The following RHOJ variants were observed in gnomAD, a reference collection of about 807,000 sequenced individuals.
The protein encoded by RHOJ is rho-related GTP-binding protein RhoJ.
Under a neutral mutation model 23.4 loss-of-function variants are expected in RHOJ, and 11 were observed. The ratio of observed to expected loss-of-function variants is 0.47; its 90% CI spans 0.30 to 0.78. The LOEUF is 0.78. RHOJ is among the 30% of genes least tolerant of loss of function. RHOJ has a pLI of 0.08. For synonymous variants in RHOJ, 102 were observed against 102.7 expected (o/e 0.99, Z 0.04); for missense variants, 254 against 273.4 (o/e 0.93, Z 0.50).
At chr14:63,226,867 G>A (rs537059385) in intron 1 of RHOJ, among the ~76,000 whole-genome samples, 3 of 152,238 alleles carry the variant, frequency 2.0e-5, no homozygotes, top group South Asian at 4.1e-4. Flanking sequence ...GATGAAGGGA[G>A]CATGTTATAT....
Position 63,204,769 on chromosome 14 carries a change from G to A in RHOJ, c.-101G>A. 8.1e-7 allele frequency: 1 copy of A among 1,232,016 alleles called. No individual in the cohort carries two copies. 76.3% of individuals were successfully genotyped at this position (1,232,016 alleles called of 1,614,324 possible). ...TCCAAGGTACCCAAAGTCAGACAGAGTAAACTCAAGCCTGGCACTGGCTTT... is the reference window on the plus strand; with the variant it reads ...TCCAAGGTACCCAAAGTCAGACAGAATAAACTCAAGCCTGGCACTGGCTTT... On this transcript the variant is annotated 5_prime_UTR_variant, in exon 1 of 5. Coordinates refer to ENST00000316754, the MANE Select transcript of RHOJ (RefSeq NM_020663.5).
At chr14:63,262,033 C>T (rs1895281377) in intron 1 of RHOJ, among the ~76,000 whole-genome samples, 1 of 152,160 alleles carries the variant, frequency 6.6e-6, no homozygotes, top group Non-Finnish European at 1.5e-5. Context: ...ATGCAGATAG[C>T]TGGTTATGTG....
At chr14:63,290,126 C>T (rs1882200874) in intron 4 of RHOJ, among the ~76,000 whole-genome samples, 1 of 152,034 alleles carries the variant, frequency 6.6e-6, no homozygotes, top group South Asian at 2.1e-4. Flanking sequence ...GCCTGTAATC[C>T]CAGCTACTTG....
rs1317836993 is a variant in RHOJ, at chr14:63,217,444, AT to A, written c.178+12399del. Among the ~76,000 whole-genome samples the A allele has an allele frequency of 1.3e-4, 20 of 152,138 alleles. 1 individual carries two copies. The highest frequency in any genetic ancestry group is 1.5e-5 in the Non-Finnish European group (1 of 68,024). ...GAGAAAAACAAGCAATGGGGAAAGG[AT>A]TCCCTATTTAATAAATGGTGCTGGG... On this transcript the variant is annotated intron_variant, in intron 1 of 4. Coordinates refer to ENST00000316754, the MANE Select transcript of RHOJ (RefSeq NM_020663.5).
intron 1 of RHOJ, among the ~76,000 whole-genome samples, chr14:63,224,569 A>T (rs1894555376): frequency 6.6e-6 from 1 of 152,186 alleles, no homozygotes; most frequent in Non-Finnish European, 1.5e-5. Context: ...GAACATTTGG[A>T]TATTAAAACA....
chr14:63,230,833 G>C, intron 1 of RHOJ, among the ~76,000 whole-genome samples: 1 of 128,300 alleles, frequency 7.8e-6, no homozygotes, highest in Non-Finnish European at 1.6e-5. Flanking sequence ...GTTTACAAGG[G>C]TACAAGGCTT....
At chr14:63,272,878 C>A (rs1177069167) in intron 2 of RHOJ, among the ~76,000 whole-genome samples, 1 of 152,128 alleles carries the variant, frequency 6.6e-6, no homozygotes, top group African/African-American at 2.4e-5. Context: ...ACAAAATTAG[C>A]CGAGCATGGT....
rs575309679 is a variant in RHOJ at position 63,227,171 on chromosome 14, C to T, written c.178+22124C>T. Among the ~76,000 whole-genome samples, 9 of 152,212 alleles carry T rather than the reference C, an allele frequency of 5.9e-5. No homozygotes were observed. The South Asian group carries it at 8.3e-4, about 14-fold the overall frequency. On this transcript the variant is annotated intron_variant, in intron 1 of 4. Coordinates refer to ENST00000316754, the MANE Select transcript of RHOJ (RefSeq NM_020663.5). ...TTCACCATGTTGGCCAGGCTGGTCT[C>T]GAACTCCTGGCCTCAGGTGATCCAC...
chr14:63,250,875 A>G (rs1415618794), intron 1 of RHOJ, among the ~76,000 whole-genome samples: 1 of 151,974 alleles, frequency 6.6e-6, no homozygotes, highest in Non-Finnish European at 1.5e-5. Flanking sequence ...CTCTACCAAA[A>G]ATACAAAAAA....
At chr14:63,215,352 C>G (rs1894332526) in intron 1 of RHOJ, among the ~76,000 whole-genome samples, 1 of 152,162 alleles carries the variant, frequency 6.6e-6, no homozygotes, top group African/African-American at 2.4e-5. Flanking sequence ...TTTAGTCTCT[C>G]CAGCTGTTTT....
At chr14:63,269,979 G>A (rs1424374220) in intron 2 of RHOJ, among the ~76,000 whole-genome samples, 2 of 152,176 alleles carry the variant, frequency 1.3e-5, no homozygotes, top group East Asian at 1.9e-4. Flanking sequence ...ACTGATGGCC[G>A]TAGCCCAATT....
At chr14:63,226,370 G>C (rs1894594156) in intron 1 of RHOJ, among the ~76,000 whole-genome samples, 1 of 151,816 alleles carries the variant, frequency 6.6e-6, no homozygotes. Context: ...ACTCAGGAAA[G>C]AATTAGAAGG....
At chr14:63,222,460 A>C (rs1894515414) in intron 1 of RHOJ, among the ~76,000 whole-genome samples, 2 of 152,052 alleles carry the variant, frequency 1.3e-5, no homozygotes, top group Admixed American at 1.3e-4. Context: ...AAGTGTTCCT[A>C]TTTCTCCACA....
In RHOJ at chr14:63,288,050, C is replaced by T. The variant is rs1882136555; in HGVS notation, c.499-2828C>T. 5 of 395,846 alleles carry T rather than the reference C, an allele frequency of 1.3e-5. No homozygotes were observed. In the Admixed American group the frequency reaches 1.9e-4, roughly 15 times the overall value. 24.5% of individuals were successfully genotyped at this position (395,846 alleles called of 1,614,324 possible). On this transcript the variant is annotated intron_variant, in intron 4 of 4. Coordinates refer to ENST00000316754, the MANE Select transcript of RHOJ (RefSeq NM_020663.5). ...TGACACATGGTAACAATACCTACCT[C>T]ATAACTGGATTGTTTCTCACACGTG...
Position 63,204,860 on chromosome 14 carries a change from A to AGCC in RHOJ, c.-7_-5dup. 1 of 1,608,978 alleles carries AGCC rather than the reference A, an allele frequency of 6.2e-7. No homozygotes were observed. Among genetic ancestry groups the AGCC allele is most frequent in the Non-Finnish European group, 8.5e-7 (1 of 1,177,464 alleles). On this transcript the variant is annotated 5_prime_UTR_variant, in exon 1 of 5. Coordinates refer to ENST00000316754, the MANE Select transcript of RHOJ (RefSeq NM_020663.5). The stretch of plus-strand genomic sequence containing the variant: ...AGCAGCAGGAGTCCCCAGCAGCTGG[A>AGCC]GCCGCAAGAATGAACTGCAAAGAGG...
At chr14:63,256,738 G>C (rs1204979594) in intron 1 of RHOJ, among the ~76,000 whole-genome samples, 1 of 152,184 alleles carries the variant, frequency 6.6e-6, no homozygotes, top group Non-Finnish European at 1.5e-5. Flanking sequence ...GGGAGTTTAA[G>C]ACTAGCCTGG....
At chr14:63,244,792 AAGGTCATAGAACTAC>A (rs1279705138) in intron 1 of RHOJ, among the ~76,000 whole-genome samples, 1 of 152,248 alleles carries the variant, frequency 6.6e-6, no homozygotes, top group Non-Finnish European at 1.5e-5. Context: ...TAATTTGCCC[AAGGTCATAGAACTAC>A]TTAAAAATTA....
At chr14:63,220,731 AC>A (rs1302275955) in intron 1 of RHOJ, among the ~76,000 whole-genome samples, 1 of 152,066 alleles carries the variant, frequency 6.6e-6, no homozygotes, top group East Asian at 1.9e-4. Flanking sequence ...AATTTCCAAG[AC>A]TCTAACTGAT....
At chr14:63,255,638 A>C (rs1242955268) in intron 1 of RHOJ, among the ~76,000 whole-genome samples, 1 of 144,794 alleles carries the variant, frequency 6.9e-6, no homozygotes, top group East Asian at 2.1e-4. Context: ...GCAGGAGGAG[A>C]AAACAGCTCC....
Sources: allele counts gnomAD v4.1 joint callset (sites outside exome capture counted in the v4.1 genomes callset), GRCh38; gene constraint gnomAD v4.1.1; transcripts MANE v1.5; gene names NCBI Gene and HGNC (gene_info 2026-07-23, HGNC 2026-07-21).